NOS2: variants seen among roughly 807,000 people sequenced by gnomAD.
NOS2 encodes nitric oxide synthase, inducible.
Under a neutral mutation model 136.0 loss-of-function variants are expected in NOS2, and 96 were observed. The ratio of observed to expected loss-of-function variants is 0.71; its 90% confidence interval spans 0.60 to 0.84. The LOEUF (loss-of-function observed/expected upper bound fraction) is 0.84, where lower values mean the gene tolerates loss of function less well. NOS2 is among the 40% of genes least tolerant of loss of function. The pLI, the probability that NOS2 is intolerant of heterozygous loss-of-function variation, is 0.00. For synonymous variants in NOS2, 539 were observed against 587.5 expected, an observed-to-expected ratio of 0.92 and a Z score of 1.20; for missense variants, 1,237 against 1,496.9, an observed-to-expected ratio of 0.83 and a Z score of 2.87.
chr17:27,761,469 G>A (rs1433829599), intron 22 of NOS2, among the ~76,000 whole-genome samples: 1 of 152,178 alleles, frequency 6.6e-6, no homozygotes, highest in African/African-American at 2.4e-5. Context: ...AGCAGAAACT[G>A]AGACGGGGAG....
chr17:27,775,387 C>G (rs1385390750), intron 11 of NOS2, among the ~76,000 whole-genome samples: 1 of 152,066 alleles, frequency 6.6e-6, no homozygotes, highest in Non-Finnish European at 1.5e-5. Context: ...CACCTGAGGT[C>G]GGGAGTTTGA....
intron 14 of NOS2, among the ~76,000 whole-genome samples, chr17:27,771,556 G>T (rs1348887844): frequency 6.6e-6 from 1 of 152,254 alleles, no homozygotes; most frequent in Non-Finnish European, 1.5e-5. Flanking sequence ...CTGGTCATCA[G>T]TCAGTGCCCC....
chr17:27,762,661 C>A, intron 22 of NOS2, 137 bp downstream of exon 22: 2 of 656,760 alleles, frequency 3.0e-6, no homozygotes. Flanking sequence ...CACACACCTC[C>A]TAATACTGTT....
intron 25 of NOS2, 54 bp downstream of exon 25, chr17:27,759,976 C>A: frequency 7.0e-7 from 1 of 1,437,648 alleles, no homozygotes; most frequent in South Asian, 1.6e-5. Context: ...GGACCCAGGG[C>A]TCACAGTGGA....
chr17:27,763,052 T>A (rs1335990780), intron 21 of NOS2, 47 bp from the exon 22 acceptor site: 1 of 1,313,160 alleles, frequency 7.6e-7, no homozygotes, highest in Non-Finnish European at 1.1e-6. Context: ...CTGTCCCGCT[T>A]TGGGGAAAAG....
At chr17:27,789,765 C>A (rs902374134) in intron 2 of NOS2, 77 bp from the exon 3 acceptor site, 12 of 995,340 alleles carry the variant, frequency 1.2e-5, no homozygotes, top group Non-Finnish European at 1.9e-5. Flanking sequence ...CTGCCAGTAA[C>A]CTCATTTGAC....
chr17:27,767,678 C>A (rs1383727958), intron 18 of NOS2, 27 bp downstream of exon 18: 1 of 1,611,086 alleles, frequency 6.2e-7, no homozygotes. Context: ...CACAAACAAG[C>A]CCCATGTGCT....
Position 27,760,188 on chromosome 17 carries a change from T to C in NOS2, c.3011-10A>G. ...CGGCCTCCCCGCACTCCTGCAGGAGTCCCGGGCTGTTGTTACCATGTTGGC... is the reference window on the plus strand; with the variant it reads ...CGGCCTCCCCGCACTCCTGCAGGAGCCCCGGGCTGTTGTTACCATGTTGGC... On this transcript the variant is annotated splice_polypyrimidine_tract_variant and intron_variant, in intron 24 of 26. Coordinates refer to ENST00000313735, the MANE Select transcript of NOS2 (RefSeq NM_000625.4). 1 of 1,538,144 alleles carries C rather than the reference T, an allele frequency of 6.5e-7. No individual in the cohort carries two copies. Among genetic ancestry groups the C allele is most frequent in the Middle Eastern group, 1.8e-4 (1 of 5,502 alleles).
intron 15 of NOS2, among the ~76,000 whole-genome samples, chr17:27,770,526 C>A (rs538882881): frequency 1.8e-4 from 28 of 152,254 alleles, no homozygotes; most frequent in African/African-American, 3.8e-4. Context: ...ACACCAAAAA[C>A]CAAAAAACAA....
chr17:27,774,439 TCA>T lies in NOS2; in HGVS notation c.1292_1293del (p.Val431AspfsTer19). Reference sequence around the variant, plus strand: ...GCAGCCGAGTGGTGGTCCATGATGGTCACATTCTGCTTCTGTATCAGAAGGCA... The same window carrying T: ...GCAGCCGAGTGGTGGTCCATGATGGTCATTCTGCTTCTGTATCAGAAGGCA... ...AVLHSFQKQNVTIMDHHSAAE... is the reference protein window; with the variant it reads ...AVLHSFQKQNXTIMDHHSAAE... On this transcript the variant is annotated frameshift_variant, in exon 12 of 27. Transcript: ENST00000313735. LOFTEE classifies it high-confidence loss of function. 6.7e-7 allele frequency: 1 copy of T among 1,488,320 alleles called. No homozygotes were observed. The highest frequency in any genetic ancestry group is 9.0e-7 in the Non-Finnish European group (1 of 1,113,412). 92.2% of individuals were successfully genotyped at this position (1,488,320 alleles called of 1,614,324 possible). A position where few individuals can be genotyped will look rare whatever the true frequency, so the allele number is the denominator to read the frequency against.
In NOS2 at chr17:27,789,591, G is replaced by A; in HGVS notation, c.195+13C>T. On this transcript the variant is annotated intron_variant, in intron 3 of 26. Coordinates refer to ENST00000313735, the MANE Select transcript of NOS2 (RefSeq NM_000625.4). ...GGAGGAAGGGGCTTCCCACACCCAT[G>A]TGACTCACTGACCTTTCCCGTCTCC... 6.2e-7 allele frequency: 1 copy of A among 1,604,544 alleles called. No individual in the cohort carries two copies. The highest frequency in any genetic ancestry group is 1.1e-5 in the South Asian group (1 of 90,888).
chr17:27,789,455 T>G (rs1909123569), intron 3 of NOS2, 149 bp downstream of exon 3: 2 of 653,196 alleles, frequency 3.1e-6, no homozygotes, highest in Non-Finnish European at 5.5e-6. Context: ...TCCCACCTGT[T>G]CCCCCCAACA....
chr17:27,776,943 G>T (rs575415213), intron 11 of NOS2, among the ~76,000 whole-genome samples: 1 of 152,340 alleles, frequency 6.6e-6, no homozygotes, highest in African/African-American at 2.4e-5. Flanking sequence ...CGCTCAGGCA[G>T]TGGAAGGACA....
rs199859783 is a variant in NOS2, at chr17:27,758,978, C to T, written c.3257G>A (p.Arg1086His). Residue 1086 changes from arginine (R) to histidine (H), a missense_variant, in exon 26 of 27, where the codon CGC (arginine) becomes CAC (histidine). Arg to His is a conservative substitution (Grantham distance 29). Transcript: ENST00000313735. The stretch of plus-strand genomic sequence containing the variant: ...GGTGTGGGCCACGTCCCGGGCCATG[C>T]GCACATCCCCGCAAACATAGAGGTG... ...PGHLYVCGDVRMARDVAHTLK... is the reference protein window; with the variant it reads ...PGHLYVCGDVHMARDVAHTLK... The T allele has an allele frequency of 1.8e-5, 29 of 1,612,890 alleles. No individual in the cohort carries two copies. The Admixed American group carries it at 1.8e-4, about 10-fold the overall frequency.
intron 2 of NOS2, chr17:27,793,774 C>T (rs1379346706): frequency 2.6e-6 from 1 of 384,344 alleles, no homozygotes; most frequent in African/African-American, 2.1e-5. Flanking sequence ...GCCTGCAGCC[C>T]CCGCCCCGGG....
intron 5 of NOS2, among the ~76,000 whole-genome samples, chr17:27,784,164 C>CACACACACA (rs59949100): frequency 1.1e-5 from 1 of 92,902 alleles, no homozygotes; most frequent in African/African-American, 4.2e-5. Context: ...ACACACACTA[C>CACACACACA]CACCACCACC....
intron 26 of NOS2, among the ~76,000 whole-genome samples, chr17:27,758,489 A>G (rs1413186666): frequency 6.6e-6 from 1 of 152,216 alleles, no homozygotes; most frequent in Non-Finnish European, 1.5e-5. Context: ...AGCAGACACC[A>G]GCCTGGGTGT....
chr17:27,783,792 C>T (rs1175911999), intron 5 of NOS2, among the ~76,000 whole-genome samples: 1 of 152,224 alleles, frequency 6.6e-6, no homozygotes, highest in African/African-American at 2.4e-5. Context: ...CCAGGTCGCC[C>T]TGATGCCAAG....
intron 20 of NOS2, among the ~76,000 whole-genome samples, chr17:27,765,040 G>T (rs556498829): frequency 6.6e-6 from 1 of 152,140 alleles, no homozygotes; most frequent in Non-Finnish European, 1.5e-5. Flanking sequence ...GTGTAGTGGC[G>T]AGATCTCATA....
Sources: gnomAD v4.1 joint callset for allele counts (sites outside exome capture counted in the v4.1 genomes callset) on GRCh38, gnomAD v4.1.1 for gene constraint, MANE v1.5 for transcripts, NCBI Gene and HGNC (gene_info 2026-07-23, HGNC 2026-07-21) for gene names.